COL28A1: variants seen among roughly 807,000 people sequenced by gnomAD.
COL28A1 encodes collagen alpha-1(XXVIII) chain.
Under a neutral mutation model 150.2 loss-of-function variants are expected in COL28A1, and 161 were observed. The observed-to-expected ratio is 1.07, with a 90% CI of 0.94 to 1.22. The LOEUF (loss-of-function observed/expected upper bound fraction) is 1.22. Ranked by LOEUF, COL28A1 falls within the 50% of genes most tolerant of loss-of-function variation. COL28A1 has a pLI of 0.00. For synonymous variants in COL28A1, 552 were observed against 469.7 expected, an observed-to-expected ratio of 1.18 and a Z score of -2.26; for missense variants, 1,617 against 1,388.3, an observed-to-expected ratio of 1.16 and a Z score of -2.62.
At chr7:7,415,382 C>A (rs1390783061) in intron 27 of COL28A1, among the ~76,000 whole-genome samples, 3 of 152,230 alleles carry the variant, frequency 2.0e-5, no homozygotes, top group Non-Finnish European at 4.4e-5. Flanking sequence ...TCAGTTCCCT[C>A]CCTTTTGCAG....
intron 8 of COL28A1, among the ~76,000 whole-genome samples, chr7:7,514,526 A>C (rs550113121): frequency 5.7e-4 from 87 of 152,200 alleles, no homozygotes; most frequent in Non-Finnish European, 1.1e-3. Flanking sequence ...GGATATATTT[A>C]TTGGCTTACA....
chr7:7,404,471 C>T (rs1283033295), intron 27 of COL28A1, among the ~76,000 whole-genome samples: 1 of 152,062 alleles, frequency 6.6e-6, no homozygotes, highest in East Asian at 1.9e-4. Flanking sequence ...CCTCCCTGAC[C>T]TCATCTGCAT....
intron 21 of COL28A1, among the ~76,000 whole-genome samples, chr7:7,439,666 C>T (rs1343599954): frequency 6.6e-6 from 1 of 152,098 alleles, no homozygotes; most frequent in Non-Finnish European, 1.5e-5. Flanking sequence ...GTAACTAGGA[C>T]ATAAAGACTA....
chr7:7,540,940 A>G, the COL28A1 span, among the ~76,000 whole-genome samples: 1 of 152,370 alleles, frequency 6.6e-6, no homozygotes, highest in East Asian at 1.9e-4. Flanking sequence ...CCAGTAATAT[A>G]GGTAGATATC....
At chr7:7,527,373 A>C (rs1336129991) in intron 3 of COL28A1, among the ~76,000 whole-genome samples, 1 of 152,234 alleles carries the variant, frequency 6.6e-6, no homozygotes, top group East Asian at 1.9e-4. Context: ...GGTTTTGAAG[A>C]GAGGAATGCA....
intron 1 of COL28A1, among the ~76,000 whole-genome samples, chr7:7,533,373 C>T (rs1318669077): frequency 1.3e-5 from 2 of 152,028 alleles, no homozygotes; most frequent in Non-Finnish European, 2.9e-5. Context: ...TAGACAACCA[C>T]CACCCTTTCA....
intron 33 of COL28A1, among the ~76,000 whole-genome samples, chr7:7,361,893 A>C (rs926186913): frequency 6.6e-6 from 1 of 152,172 alleles, no homozygotes; most frequent in Non-Finnish European, 1.5e-5. Flanking sequence ...ACATGGGTGA[A>C]GCTAGAAACC....
chr7:7,477,769 T>C (rs576912587), intron 13 of COL28A1, among the ~76,000 whole-genome samples: 13 of 152,294 alleles, frequency 8.5e-5, no homozygotes, highest in East Asian at 7.7e-4. Flanking sequence ...TTCCACGGTA[T>C]GGAAACGGAC....
chr7:7,527,586 G>A (rs1252213880), intron 3 of COL28A1, among the ~76,000 whole-genome samples: 1 of 152,198 alleles, frequency 6.6e-6, no homozygotes, highest in Non-Finnish European at 1.5e-5. Context: ...CAGGCTGCAA[G>A]GAGAACAGTG....
In COL28A1 at chr7:7,417,917, C is replaced by T. The variant is rs753951922; in HGVS notation, c.2078G>A (p.Gly693Glu). ...AGGAGGGCCAGGCAAGCCTTTCTGC[C>T]CAGTATCACCCTGTTAGAAGATGGG... ...VGTQGPKGDT[G>E]QKGLPGPPGP... The change falls in exon 27 of 35, where the codon GGG (glycine) becomes GAG (glutamate). Residue 693 changes from glycine to glutamate, a missense_variant. Gly to Glu is a moderately conservative substitution (Grantham distance 98). Coordinates refer to ENST00000399429, the MANE Select transcript of COL28A1 (RefSeq NM_001037763.3). The T allele has an allele frequency of 6.2e-7, 1 of 1,605,092 alleles. No individual in the cohort carries two copies. The highest frequency in any genetic ancestry group is 8.5e-7 in the Non-Finnish European group (1 of 1,177,576).
chr7:7,452,042 C>T (rs1562697053), intron 18 of COL28A1, among the ~76,000 whole-genome samples: 1 of 152,148 alleles, frequency 6.6e-6, no homozygotes, highest in Non-Finnish European at 1.5e-5. Flanking sequence ...TCTATCATGT[C>T]CCGAAAGCTG....
At chr7:7,363,250 C>T (rs1780762921) in intron 33 of COL28A1, among the ~76,000 whole-genome samples, 1 of 152,124 alleles carries the variant, frequency 6.6e-6, no homozygotes, top group Non-Finnish European at 1.5e-5. Context: ...AGAATTAACT[C>T]AGCCTTTAAA....
intron 15 of COL28A1, among the ~76,000 whole-genome samples, chr7:7,474,010 T>G (rs1788664089): frequency 6.8e-6 from 1 of 147,938 alleles, no homozygotes; most frequent in African/African-American, 2.5e-5. Context: ...TATATTATAG[T>G]GTGTTTTTAT....
intron 27 of COL28A1, among the ~76,000 whole-genome samples, chr7:7,411,929 T>C (rs1783811757): frequency 6.6e-6 from 1 of 152,186 alleles, no homozygotes; most frequent in African/African-American, 2.4e-5. Context: ...ACCACCATAC[T>C]TTCTGTTCTC....
intron 27 of COL28A1, among the ~76,000 whole-genome samples, chr7:7,412,131 C>G (rs1213980009): frequency 6.6e-6 from 1 of 152,116 alleles, no homozygotes; most frequent in Non-Finnish European, 1.5e-5. Flanking sequence ...GCAACTAGTT[C>G]TCACCAATAA....
intron 25 of COL28A1, chr7:7,420,166 G>A (rs1329342851): frequency 5.8e-6 from 2 of 343,004 alleles, no homozygotes; most frequent in African/African-American, 4.2e-5. Context: ...TAACTTCTTG[G>A]CAACATTAAC....
At chr7:7,423,241 A>G (rs1482555299) in intron 25 of COL28A1, among the ~76,000 whole-genome samples, 2 of 152,216 alleles carry the variant, frequency 1.3e-5, no homozygotes, top group Non-Finnish European at 2.9e-5. Flanking sequence ...TAGCTAAAAC[A>G]AGATCAACTA....
At chr7:7,532,544 A>C in intron 2 of COL28A1, among the ~76,000 whole-genome samples, 1 of 152,128 alleles carries the variant, frequency 6.6e-6, no homozygotes, top group Non-Finnish European at 1.5e-5. Flanking sequence ...GGCTCAAATG[A>C]GATAATAAGT....
intron 21 of COL28A1, among the ~76,000 whole-genome samples, chr7:7,439,245 C>T (rs917329171): frequency 6.6e-6 from 1 of 152,180 alleles, no homozygotes; most frequent in African/African-American, 2.4e-5. Context: ...ATACAACCAA[C>T]AAGCTGAGCA....
Sources: allele counts gnomAD v4.1 joint callset (sites outside exome capture counted in the v4.1 genomes callset), GRCh38; gene constraint gnomAD v4.1.1; transcripts MANE v1.5; gene names NCBI Gene and HGNC (gene_info 2026-07-23, HGNC 2026-07-21).